MOB3B: variants seen among roughly 807,000 people sequenced by gnomAD.
MOB3B encodes MOB kinase activator 3B.
In MOB3B, 7 loss-of-function variants were observed where a neutral mutation model predicts 18.7. That is an observed-to-expected ratio of 0.37 (90% CI 0.21 to 0.70). The LOEUF (loss-of-function observed/expected upper bound fraction) is 0.70. Ranked by LOEUF, MOB3B falls within the 30% of genes least tolerant of loss-of-function variation. MOB3B has a pLI of 0.52. For synonymous variants in MOB3B, 111 were observed against 99.9 expected (o/e 1.11, Z -0.66); for missense variants, 253 against 281.3 (o/e 0.90, Z 0.72).
intron 1 of MOB3B, among the ~76,000 whole-genome samples, chr9:27,501,902 T>C (rs981439073): frequency 3.9e-5 from 6 of 152,178 alleles, no homozygotes; most frequent in African/African-American, 1.2e-4. Flanking sequence ...AGAGAAGTTA[T>C]TAGGCAAAAG....
chr9:27,358,117 A>G (rs10812573), intron 3 of MOB3B, among the ~76,000 whole-genome samples: 51,435 of 151,820 alleles, frequency 0.34, 9,109 homozygotes, highest in Middle Eastern at 0.4. Flanking sequence ...ACATAAAGAG[A>G]AAGGGATAAA....
intron 1 of MOB3B, among the ~76,000 whole-genome samples, chr9:27,462,383 G>A (rs1819306914): frequency 6.6e-6 from 1 of 152,096 alleles, no homozygotes; most frequent in Non-Finnish European, 1.5e-5. Context: ...AAGAATGGGG[G>A]ATGGGATGAG....
chr9:27,444,304 A>AAGG (rs1822657025), intron 2 of MOB3B, among the ~76,000 whole-genome samples: 8 of 77,722 alleles, frequency 1.0e-4, no homozygotes, highest in African/African-American at 1.4e-4. Context: ...AGGAAGGAAG[A>AAGG]AAGGAAGGAA....
chr9:27,506,805 C>T (rs1446079638), intron 1 of MOB3B, among the ~76,000 whole-genome samples: 2 of 150,726 alleles, frequency 1.3e-5, no homozygotes, highest in African/African-American at 4.9e-5. Flanking sequence ...GCTGGGATTA[C>T]AGGCGTGAGC....
chr9:27,518,412 C>A (rs911106904), intron 1 of MOB3B, among the ~76,000 whole-genome samples: 3 of 152,184 alleles, frequency 2.0e-5, no homozygotes, highest in South Asian at 4.1e-4. Context: ...TTCTTACTAA[C>A]ATCCTCAGAA....
intron 2 of MOB3B, among the ~76,000 whole-genome samples, chr9:27,437,372 A>T (rs1233144025): frequency 6.6e-6 from 1 of 152,226 alleles, no homozygotes; most frequent in African/African-American, 2.4e-5. Flanking sequence ...TGGGACTATT[A>T]TATAATTATA....
At chr9:27,471,275 G>C (rs572434953) in intron 1 of MOB3B, among the ~76,000 whole-genome samples, 1 of 152,312 alleles carries the variant, frequency 6.6e-6, no homozygotes, top group African/African-American at 2.4e-5. Context: ...ATAGGCAGGA[G>C]ACAAAAGTGG....
chr9:27,471,779 T>A (rs1819475997), intron 1 of MOB3B, among the ~76,000 whole-genome samples: 1 of 152,178 alleles, frequency 6.6e-6, no homozygotes, highest in African/African-American at 2.4e-5. Context: ...TATACATATG[T>A]CTCCCTCCTT....
intron 1 of MOB3B, among the ~76,000 whole-genome samples, chr9:27,469,812 G>T (rs752880941): frequency 1.3e-5 from 2 of 151,974 alleles, no homozygotes; most frequent in African/African-American, 4.8e-5. Context: ...CGTGCCAGGC[G>T]TGGTAGCTGA....
At chr9:27,346,468 TTATCTC>T (rs1821032398) in intron 3 of MOB3B, among the ~76,000 whole-genome samples, 1 of 152,218 alleles carries the variant, frequency 6.6e-6, no homozygotes. Flanking sequence ...TAAACAGTAT[TTATCTC>T]ATAGACTTGT....
At chr9:27,376,817 T>G (rs191754174) in intron 2 of MOB3B, among the ~76,000 whole-genome samples, 173 of 152,270 alleles carry the variant, frequency 1.1e-3, no homozygotes, top group Non-Finnish European at 2.2e-3. Flanking sequence ...GGGACAAGGG[T>G]CCAGCAATCT....
intron 3 of MOB3B, among the ~76,000 whole-genome samples, chr9:27,350,804 T>C (rs1821092992): frequency 6.6e-6 from 1 of 151,944 alleles, no homozygotes. Flanking sequence ...GACACACATA[T>C]ACTTGTCATC....
intron 1 of MOB3B, among the ~76,000 whole-genome samples, chr9:27,491,034 T>C (rs1819809144): frequency 6.6e-6 from 1 of 151,706 alleles, no homozygotes; most frequent in African/African-American, 2.4e-5. Flanking sequence ...AAGATGATAA[T>C]AATAGTGATA....
At chr9:27,480,555 C>T (rs775188432) in intron 1 of MOB3B, among the ~76,000 whole-genome samples, 2 of 152,124 alleles carry the variant, frequency 1.3e-5, no homozygotes, top group South Asian at 2.1e-4. Context: ...CTGCCTCAGC[C>T]TCCCAAAGTG....
At chr9:27,449,587 T>A (rs368000845) in intron 2 of MOB3B, among the ~76,000 whole-genome samples, 1 of 152,318 alleles carries the variant, frequency 6.6e-6, no homozygotes, top group African/African-American at 2.4e-5. Context: ...AATTCCAACA[T>A]ACTGTAAATA....
intron 1 of MOB3B, among the ~76,000 whole-genome samples, chr9:27,469,439 C>T (rs1388099917): frequency 6.6e-6 from 1 of 152,172 alleles, no homozygotes; most frequent in Non-Finnish European, 1.5e-5. Context: ...CTGTCTCCCT[C>T]AATCATCCCA....
At chr9:27,436,086 C>T (rs147211831) in intron 2 of MOB3B, among the ~76,000 whole-genome samples, 3 of 152,180 alleles carry the variant, frequency 2.0e-5, no homozygotes, top group Non-Finnish European at 4.4e-5. Context: ...AGACCCCGTA[C>T]CACCATCCTA....
intron 2 of MOB3B, among the ~76,000 whole-genome samples, chr9:27,453,433 G>GAA (rs1822823025): frequency 6.6e-6 from 1 of 152,170 alleles, no homozygotes; most frequent in Non-Finnish European, 1.5e-5. Context: ...GAATGACTAA[G>GAA]AAAATGTCTA....
At chr9:27,420,133 A>G (rs1208104905) in intron 2 of MOB3B, among the ~76,000 whole-genome samples, 1 of 152,092 alleles carries the variant, frequency 6.6e-6, no homozygotes, top group East Asian at 1.9e-4. Context: ...AAGAATGGCC[A>G]TAATAAAAAA....
Sources: gnomAD v4.1 joint callset for allele counts (sites outside exome capture counted in the v4.1 genomes callset) on GRCh38, gnomAD v4.1.1 for gene constraint, MANE v1.5 for transcripts, NCBI Gene and HGNC (gene_info 2026-07-23, HGNC 2026-07-21) for gene names.